Variants in GPATCH2 observed in about 807,000 individuals in gnomAD.
GPATCH2 encodes the protein G patch domain-containing protein 2.
Under a neutral mutation model 58.0 loss-of-function variants are expected in GPATCH2, and 51 were observed. The observed-to-expected ratio is 0.88, with a 90% CI of 0.70 to 1.11. GPATCH2 has a LOEUF of 1.11. Among genes scored for constraint, GPATCH2 ranks in the 50% most tolerant of loss-of-function variants. GPATCH2 has a pLI of 0.00. For missense variants in GPATCH2, 625 were observed against 652.2 expected (o/e 0.96, Z 0.45); for synonymous variants, 222 against 218.5 (o/e 1.02, Z -0.14).
At chr1:217,495,350 A>C (rs1463753948) in intron 7 of GPATCH2, among the ~76,000 whole-genome samples, 1 of 152,204 alleles carries the variant, frequency 6.6e-6, no homozygotes, top group African/African-American at 2.4e-5. Flanking sequence ...CTGATTATAC[A>C]TAAGGCACTC....
intron 5 of GPATCH2, among the ~76,000 whole-genome samples, chr1:217,544,671 A>T (rs1255800533): frequency 1.3e-5 from 2 of 152,234 alleles, no homozygotes; most frequent in Admixed American, 1.3e-4. Flanking sequence ...CAATCCCAAC[A>T]GTCTCTAGTG....
intron 5 of GPATCH2, among the ~76,000 whole-genome samples, chr1:217,573,343 T>C (rs1415620396): frequency 6.6e-6 from 1 of 151,814 alleles, no homozygotes; most frequent in Non-Finnish European, 1.5e-5. Context: ...ATAATTGTGC[T>C]CACTTGGAAA....
intron 5 of GPATCH2, among the ~76,000 whole-genome samples, chr1:217,575,940 T>C (rs551048843): frequency 6.6e-6 from 1 of 152,160 alleles, no homozygotes; most frequent in African/African-American, 2.4e-5. Context: ...TATTATCATC[T>C]ATTACTGTCC....
chr1:217,514,749 A>G (rs1047651097), intron 6 of GPATCH2, 73 bp downstream of exon 6: 3 of 688,938 alleles, frequency 4.4e-6, no homozygotes. Context: ...CTTTACTAGT[A>G]GTAGCTAATA....
intron 5 of GPATCH2, among the ~76,000 whole-genome samples, chr1:217,580,748 CCTGT>C (rs1571956333): frequency 2.7e-5 from 3 of 110,150 alleles, no homozygotes; most frequent in African/African-American, 3.0e-5. Context: ...GGCAGAATCT[CCTGT>C]AATCCCAGCA....
At chr1:217,625,011 A>G (rs7550494) in intron 1 of GPATCH2, among the ~76,000 whole-genome samples, 7,838 of 152,296 alleles carry the variant, frequency 0.051, 668 homozygotes, top group African/African-American at 0.18. Flanking sequence ...ATTTGGGCAG[A>G]TGAGTACTTT....
chr1:217,627,215 C>T (rs981916132), intron 1 of GPATCH2, among the ~76,000 whole-genome samples: 2 of 151,966 alleles, frequency 1.3e-5, no homozygotes, highest in Admixed American at 6.6e-5. Flanking sequence ...CATGTTTCAA[C>T]GACCTCTACC....
intron 6 of GPATCH2, among the ~76,000 whole-genome samples, chr1:217,502,088 C>G (rs890254895): frequency 3.3e-5 from 5 of 151,900 alleles, no homozygotes; most frequent in African/African-American, 1.2e-4. Flanking sequence ...TGTGTCTATC[C>G]CTCTACCAAT....
At chr1:217,445,463 G>C (rs1414195248) in intron 9 of GPATCH2, among the ~76,000 whole-genome samples, 1 of 151,862 alleles carries the variant, frequency 6.6e-6, no homozygotes, top group Non-Finnish European at 1.5e-5. Context: ...CTCTTATTTT[G>C]TTCACTGCTT....
At chr1:217,615,433 C>T (rs1668837995) in intron 2 of GPATCH2, among the ~76,000 whole-genome samples, 1 of 151,972 alleles carries the variant, frequency 6.6e-6, no homozygotes. Context: ...GCATCACAAC[C>T]AAATTTTCTT....
At chr1:217,434,928 C>T (rs1219872353) in intron 9 of GPATCH2, among the ~76,000 whole-genome samples, 1 of 152,044 alleles carries the variant, frequency 6.6e-6, no homozygotes, top group Non-Finnish European at 1.5e-5. Flanking sequence ...TAAAACAAAG[C>T]ATTATCTTGT....
chr1:217,544,118 G>A (rs1664901787), intron 5 of GPATCH2, among the ~76,000 whole-genome samples: 2 of 152,126 alleles, frequency 1.3e-5, no homozygotes, highest in Admixed American at 1.3e-4. Context: ...CAATAACCTG[G>A]GCACAGTGGC....
Position 217,458,289 on chromosome 1 carries a change from A to T in GPATCH2, c.1278-8952T>A, listed in dbSNP as rs1303728956. 2.0e-5 allele frequency among the ~76,000 whole-genome samples: 3 copies of T among 152,180 alleles called. 1 individual carries two copies. The highest frequency in any genetic ancestry group is 2.0e-4 in the Admixed American group (3 of 15,282). Reference sequence around the variant, plus strand: ...GCTTCATGCTTTATCTAAAGCCTAGAGGGACTGCTAGTCCAATGATATCAT... The same window carrying T: ...GCTTCATGCTTTATCTAAAGCCTAGTGGGACTGCTAGTCCAATGATATCAT... On this transcript the variant is annotated intron_variant, in intron 8 of 9. Coordinates refer to ENST00000366935, the MANE Select transcript of GPATCH2 (RefSeq NM_018040.5).
At chr1:217,476,580 G>A (rs959601574) in intron 8 of GPATCH2, among the ~76,000 whole-genome samples, 1 of 152,090 alleles carries the variant, frequency 6.6e-6, no homozygotes, top group East Asian at 1.9e-4. Flanking sequence ...GTGAGGGAGA[G>A]CACAGCAATT....
At chr1:217,594,356 A>G (rs11117892) in intron 5 of GPATCH2, among the ~76,000 whole-genome samples, 33,800 of 152,096 alleles carry the variant, frequency 0.22, 4,376 homozygotes, top group East Asian at 0.49. Flanking sequence ...TTTTATTATT[A>G]AATCAAAATA....
At chr1:217,498,996 G>GCCTA (rs1390359526) in intron 6 of GPATCH2, among the ~76,000 whole-genome samples, 2 of 152,078 alleles carry the variant, frequency 1.3e-5, no homozygotes, top group East Asian at 3.9e-4. Context: ...TTCTCACATA[G>GCCTA]CCTAGCCCAG....
At chr1:217,507,358 G>C (rs972542911) in intron 6 of GPATCH2, among the ~76,000 whole-genome samples, 10 of 152,132 alleles carry the variant, frequency 6.6e-5, no homozygotes, top group African/African-American at 2.4e-4. Context: ...CTAAAATTAT[G>C]CTCAAGAGGC....
intron 5 of GPATCH2, among the ~76,000 whole-genome samples, chr1:217,533,639 G>A (rs1664315128): frequency 6.6e-6 from 1 of 152,090 alleles, no homozygotes; most frequent in African/African-American, 2.4e-5. Flanking sequence ...TCTGGCACAT[G>A]GCAAATATGA....
intron 5 of GPATCH2, among the ~76,000 whole-genome samples, chr1:217,521,521 T>C (rs145012562): frequency 1.3e-5 from 2 of 152,282 alleles, no homozygotes; most frequent in East Asian, 3.9e-4. Context: ...CGGGCTATTT[T>C]AAGTATATGC....
Sources: gnomAD v4.1 joint callset for allele counts (sites outside exome capture counted in the v4.1 genomes callset) on GRCh38, gnomAD v4.1.1 for gene constraint, MANE v1.5 for transcripts, NCBI Gene and HGNC (gene_info 2026-07-23, HGNC 2026-07-21) for gene names.